The following FSTL5 variants were observed in gnomAD, a reference collection of about 807,000 sequenced individuals.
The protein encoded by FSTL5 is follistatin-related protein 5.
Under a neutral mutation model 89.1 loss-of-function variants are expected in FSTL5, and 62 were observed. The observed-to-expected ratio is 0.70, with a 90% CI of 0.57 to 0.86. The LOEUF is 0.86. Among genes scored for constraint, FSTL5 ranks in the 40% least tolerant of loss-of-function variants. FSTL5 has a pLI of 0.00. For missense variants in FSTL5, 1,057 were observed against 1,001.6 expected (o/e 1.06, Z -0.75); for synonymous variants, 383 against 346.2 (o/e 1.11, Z -1.18).
At chr4:161,555,890 C>T (rs895515147) in intron 8 of FSTL5, among the ~76,000 whole-genome samples, 1 of 151,496 alleles carries the variant, frequency 6.6e-6, no homozygotes, top group African/African-American at 2.4e-5. Flanking sequence ...TTTCACTTGT[C>T]AATACCAACT....
At chr4:161,515,855 A>T (rs12331148) in intron 10 of FSTL5, among the ~76,000 whole-genome samples, 8 of 150,984 alleles carry the variant, frequency 5.3e-5, no homozygotes, top group Admixed American at 5.3e-4. Flanking sequence ...TGACCATCCC[A>T]CTAAGTAGTT....
intron 3 of FSTL5, among the ~76,000 whole-genome samples, chr4:161,981,874 T>C (rs1324680812): frequency 6.6e-6 from 1 of 151,522 alleles, no homozygotes; most frequent in Non-Finnish European, 1.5e-5. Flanking sequence ...AAACTGTACA[T>C]TTATACAATA....
At chr4:161,465,219 T>C (rs1378956808) in intron 13 of FSTL5, among the ~76,000 whole-genome samples, 2 of 152,100 alleles carry the variant, frequency 1.3e-5, no homozygotes, top group African/African-American at 4.8e-5. Context: ...TGAACAGATG[T>C]CATAGGATTC....
intron 10 of FSTL5, among the ~76,000 whole-genome samples, chr4:161,536,482 A>G (rs1731621272): frequency 6.6e-6 from 1 of 152,158 alleles, no homozygotes; most frequent in African/African-American, 2.4e-5. Context: ...GAGGCATCCC[A>G]AGGGAAACTA....
intron 5 of FSTL5, among the ~76,000 whole-genome samples, chr4:161,773,796 C>G (rs753557114): frequency 6.6e-6 from 1 of 152,102 alleles, no homozygotes; most frequent in Non-Finnish European, 1.5e-5. Context: ...CCTTAAAGAA[C>G]TAAAAATAGA....
At chr4:161,768,629 A>G (rs1335751635) in intron 5 of FSTL5, among the ~76,000 whole-genome samples, 1 of 152,030 alleles carries the variant, frequency 6.6e-6, no homozygotes, top group Non-Finnish European at 1.5e-5. Context: ...TATCTCTCTT[A>G]TACATCTTCA....
chr4:161,639,385 C>T (rs958708380), intron 7 of FSTL5, among the ~76,000 whole-genome samples: 5 of 151,952 alleles, frequency 3.3e-5, no homozygotes, highest in Non-Finnish European at 4.4e-5. Flanking sequence ...GCTATGGAAC[C>T]GAAAAATTGC....
intron 4 of FSTL5, among the ~76,000 whole-genome samples, chr4:161,850,268 G>C (rs921286338): frequency 6.6e-6 from 1 of 152,120 alleles, no homozygotes; most frequent in African/African-American, 2.4e-5. Context: ...AATAACCGTG[G>C]GTTTTTAGAA....
intron 15 of FSTL5, among the ~76,000 whole-genome samples, chr4:161,391,480 G>C (rs1730820612): frequency 1.3e-5 from 2 of 152,080 alleles, no homozygotes; most frequent in African/African-American, 4.8e-5. Flanking sequence ...TTATGTTATA[G>C]CTGACACAGT....
chr4:161,559,390 T>G (rs1732507275), intron 8 of FSTL5, among the ~76,000 whole-genome samples: 1 of 151,810 alleles, frequency 6.6e-6, no homozygotes, highest in African/African-American at 2.4e-5. Flanking sequence ...CTCTTTCCTC[T>G]TCTTTTTTTC....
chr4:161,847,390 A>G (rs1056198689), intron 4 of FSTL5, among the ~76,000 whole-genome samples: 5 of 152,190 alleles, frequency 3.3e-5, no homozygotes, highest in African/African-American at 7.2e-5. Flanking sequence ...TACTATCCCT[A>G]TTTTACAGAT....
chr4:162,098,819 G>A (rs1462971259), intron 2 of FSTL5, among the ~76,000 whole-genome samples: 1 of 151,862 alleles, frequency 6.6e-6, no homozygotes, highest in Non-Finnish European at 1.5e-5. Flanking sequence ...CAATACAATC[G>A]AGCAAAGATA....
At position 161,630,113 on chromosome 4, in the gene FSTL5, T is replaced by A. The variant is rs142891198; in HGVS notation, c.894+26215A>T. On this transcript the variant is annotated intron_variant, in intron 7 of 15. Coordinates refer to ENST00000306100, the MANE Select transcript of FSTL5 (RefSeq NM_020116.5). ...CTTTTTCTTTCCTAGCCCTTACTCC[T>A]TCTTCCCCTCCCCTTCCTGCCCCTC... Among the ~76,000 whole-genome samples, 427 of 152,276 alleles carry A rather than the reference T, an allele frequency of 2.8e-3. 1 individual carries two copies. Among genetic ancestry groups the A allele is most frequent in the African/African-American group, 9.7e-3 (404 of 41,560 alleles).
chr4:162,066,136 T>A (rs1738886744), intron 2 of FSTL5, among the ~76,000 whole-genome samples: 1 of 152,070 alleles, frequency 6.6e-6, no homozygotes, highest in African/African-American at 2.4e-5. Flanking sequence ...ATTTTTGCAA[T>A]TGTGTTTTCT....
At chr4:161,756,403 G>C (rs952790071) in intron 6 of FSTL5, among the ~76,000 whole-genome samples, 94 of 151,990 alleles carry the variant, frequency 6.2e-4, no homozygotes, top group African/African-American at 2.3e-3. Flanking sequence ...TAAATTCATT[G>C]TATTTACTAC....
chr4:161,586,775 T>C (rs1305277816), intron 8 of FSTL5, among the ~76,000 whole-genome samples: 3 of 152,170 alleles, frequency 2.0e-5, no homozygotes, highest in Admixed American at 6.6e-5. Context: ...TCTGCCACTC[T>C]CCTCTAAATT....
Position 161,971,042 on chromosome 4 carries a change from T to C in FSTL5, c.161-50390A>G, listed in dbSNP as rs1735468284. ...TCATCTGGGTATATAAATTATTTTA[T>C]TAGGAAACAATAATGATTTCCTACT... On this transcript the variant is annotated intron_variant, in intron 3 of 15. Transcript: ENST00000306100. 2.2e-5 allele frequency among the ~76,000 whole-genome samples: 3 copies of C among 134,942 alleles called. No individual in the cohort carries two copies. The South Asian group carries it at 6.9e-4, about 31-fold the overall frequency. The allele number at this position is 134,942 out of a possible 152,430, so 88.5% of individuals were successfully genotyped here. A position where few individuals can be genotyped will look rare whatever the true frequency, so the allele number is the denominator to read the frequency against.
At chr4:161,407,536 T>G (rs1731428145) in intron 15 of FSTL5, among the ~76,000 whole-genome samples, 1 of 152,174 alleles carries the variant, frequency 6.6e-6, no homozygotes, top group East Asian at 1.9e-4. Flanking sequence ...CTACTCTCAC[T>G]GTGGACCTCT....
intron 4 of FSTL5, among the ~76,000 whole-genome samples, chr4:161,813,307 G>A (rs960341375): frequency 3.9e-5 from 6 of 152,134 alleles, no homozygotes; most frequent in Admixed American, 2.6e-4. Flanking sequence ...GGGATTACAA[G>A]TGTGAGCCAC....
Sources: gnomAD v4.1 joint callset for allele counts (sites outside exome capture counted in the v4.1 genomes callset) on GRCh38, gnomAD v4.1.1 for gene constraint, MANE v1.5 for transcripts, NCBI Gene and HGNC (gene_info 2026-07-23, HGNC 2026-07-21) for gene names.